The following NELL1 variants were observed in gnomAD, a reference collection of about 807,000 sequenced individuals.
NELL1 encodes the protein neural EGFL like 1, also known as protein kinase C-binding protein NELL1.
A neutral mutation model predicts 107.4 loss-of-function variants in NELL1; 76 were observed. The observed-to-expected ratio is 0.71, with a 90% CI of 0.59 to 0.86. The LOEUF (loss-of-function observed/expected upper bound fraction) is 0.86. NELL1 is among the 40% of genes least tolerant of loss of function. The probability of loss-of-function intolerance (pLI) is 0.00; values close to 1 mark genes in which losing one functional copy is unlikely to be tolerated. For missense variants in NELL1, 1,024 were observed against 1,005.5 expected (o/e 1.02, Z -0.25); for synonymous variants, 353 against 341.2 (o/e 1.03, Z -0.38).
At chr11:20,811,059 AAAATCCTTGCCTTGACCACTGTCATG>A (rs1205429112) in intron 3 of NELL1, among the ~76,000 whole-genome samples, 1 of 152,156 alleles carries the variant, frequency 6.6e-6, no homozygotes, top group African/African-American at 2.4e-5. Context: ...TTTTATCCAA[AAAATCCTTGCCTTGACCACTGTCATG>A]GAGATTTCTC....
At chr11:21,323,288 A>G (rs1850054889) in intron 14 of NELL1, among the ~76,000 whole-genome samples, 1 of 152,196 alleles carries the variant, frequency 6.6e-6, no homozygotes, top group East Asian at 1.9e-4. Flanking sequence ...GAGACAGAAC[A>G]GTGTGTTTAA....
intron 3 of NELL1, among the ~76,000 whole-genome samples, chr11:20,824,081 A>C (rs1857819949): frequency 6.6e-6 from 1 of 151,142 alleles, no homozygotes; most frequent in African/African-American, 2.4e-5. Context: ...GGAGGTGATT[A>C]GATCATGGAG....
chr11:21,300,851 C>G (rs995919270), intron 14 of NELL1, among the ~76,000 whole-genome samples: 1 of 151,736 alleles, frequency 6.6e-6, no homozygotes, highest in Middle Eastern at 3.4e-3. Context: ...CATGCTGTAC[C>G]CATTAACTTG....
chr11:20,755,169 C>T (rs1225550420), intron 2 of NELL1, among the ~76,000 whole-genome samples: 1 of 152,054 alleles, frequency 6.6e-6, no homozygotes, highest in Non-Finnish European at 1.5e-5. Flanking sequence ...TGATAGGGGG[C>T]GCTGTTACTT....
chr11:21,005,636 G>A (rs551459921), intron 12 of NELL1, among the ~76,000 whole-genome samples: 12 of 152,286 alleles, frequency 7.9e-5, no homozygotes, highest in African/African-American at 2.9e-4. Flanking sequence ...TAACAACACA[G>A]TTTTGCAGCC....
chr11:21,277,531 C>T (rs1186790632), intron 14 of NELL1, among the ~76,000 whole-genome samples: 2 of 151,988 alleles, frequency 1.3e-5, no homozygotes, highest in Non-Finnish European at 2.9e-5. Context: ...CCATTTGACC[C>T]AGCCATCCCA....
At chr11:20,754,756 T>A (rs1416897945) in intron 2 of NELL1, among the ~76,000 whole-genome samples, 2 of 152,192 alleles carry the variant, frequency 1.3e-5, no homozygotes, top group Admixed American at 6.5e-5. Flanking sequence ...AATAAAATAA[T>A]GTAATGGATA....
intron 13 of NELL1, among the ~76,000 whole-genome samples, chr11:21,185,160 CAT>C (rs1565100778): frequency 6.6e-6 from 1 of 151,698 alleles, no homozygotes; most frequent in South Asian, 2.1e-4. Context: ...ATAATTCAAA[CAT>C]ATTGTAAAAG....
In NELL1 at chr11:20,927,420, A is replaced by C. The variant is rs150881266; in HGVS notation, c.872A>C (p.His291Pro). ...CAAGACTCTTGGGTAGATGGTGACC[A>C]TTGCAGGAACTGCACTTGCAAAGTA... ...RDQDSWVDGD[H>P]CRNCTCKSGA... Residue 291 changes from histidine (H) to proline (P), a missense_variant, in exon 8 of 20, where the codon CAT (histidine) becomes CCT (proline). By Grantham distance (77) the His-to-Pro change is moderately conservative (BLOSUM62 -2). Coordinates refer to ENST00000357134, the MANE Select transcript of NELL1 (RefSeq NM_006157.5). The C allele has an allele frequency of 6.2e-6, 10 of 1,611,220 alleles. No individual in the cohort carries two copies. The highest frequency in any genetic ancestry group is 8.5e-6 in the Non-Finnish European group (10 of 1,179,440).
At chr11:20,727,503 T>C (rs1762402956) in intron 2 of NELL1, among the ~76,000 whole-genome samples, 1 of 152,232 alleles carries the variant, frequency 6.6e-6, no homozygotes, top group African/African-American at 2.4e-5. Context: ...ATTAGCCCTT[T>C]GTCAGATGGG....
intron 15 of NELL1, among the ~76,000 whole-genome samples, chr11:21,443,415 G>C (rs1853341770): frequency 6.6e-6 from 1 of 152,092 alleles, no homozygotes; most frequent in African/African-American, 2.4e-5. Flanking sequence ...AAGTTAAGTA[G>C]ACTGGCTAAG....
intron 15 of NELL1, among the ~76,000 whole-genome samples, chr11:21,374,540 G>A (rs976833943): frequency 2.0e-5 from 3 of 152,132 alleles, no homozygotes; most frequent in South Asian, 2.1e-4. Flanking sequence ...CGTTGGCCAC[G>A]TTCTGTTCCT....
intron 12 of NELL1, among the ~76,000 whole-genome samples, chr11:21,022,608 G>T (rs928421577): frequency 6.6e-6 from 1 of 152,080 alleles, no homozygotes; most frequent in African/African-American, 2.4e-5. Context: ...AGCCTTGATG[G>T]CAAGAACTTG....
chr11:21,115,586 C>T (rs1040299664), intron 13 of NELL1, among the ~76,000 whole-genome samples: 3 of 151,710 alleles, frequency 2.0e-5, no homozygotes, highest in Admixed American at 1.3e-4. Flanking sequence ...TATTGTTTTG[C>T]CATACAGTAT....
chr11:21,208,917 G>T (rs1857443365), intron 13 of NELL1, among the ~76,000 whole-genome samples: 1 of 152,092 alleles, frequency 6.6e-6, no homozygotes, highest in South Asian at 2.1e-4. Flanking sequence ...TTCTGCCCTT[G>T]GCAAAGATCT....
chr11:21,130,198 C>T (rs1459544534), intron 13 of NELL1, among the ~76,000 whole-genome samples: 1 of 152,092 alleles, frequency 6.6e-6, no homozygotes, highest in African/African-American at 2.4e-5. Context: ...AATCAGTAAA[C>T]TCCAATCAGC....
At chr11:21,255,832 C>G (rs1858754857) in intron 14 of NELL1, among the ~76,000 whole-genome samples, 1 of 151,996 alleles carries the variant, frequency 6.6e-6, no homozygotes, top group African/African-American at 2.4e-5. Flanking sequence ...TAATGGGGAA[C>G]ACCTCTTGCT....
At chr11:21,309,671 T>A (rs571646574) in intron 14 of NELL1, among the ~76,000 whole-genome samples, 10 of 152,118 alleles carry the variant, frequency 6.6e-5, no homozygotes, top group African/African-American at 2.2e-4. Flanking sequence ...CAGTTCCACA[T>A]GGCTGGGGAG....
chr11:21,548,166 A>T (rs1564954067), intron 16 of NELL1, among the ~76,000 whole-genome samples: 1 of 151,934 alleles, frequency 6.6e-6, no homozygotes, highest in Non-Finnish European at 1.5e-5. Context: ...CAGAGGAGTG[A>T]ATAAGTGGCA....
Sources: allele counts gnomAD v4.1 joint callset (sites outside exome capture counted in the v4.1 genomes callset), GRCh38; gene constraint gnomAD v4.1.1; transcripts MANE v1.5; gene names NCBI Gene and HGNC (gene_info 2026-07-23, HGNC 2026-07-21).